The following P2RY12 variants were observed in gnomAD, a reference collection of about 807,000 sequenced individuals.
P2RY12 encodes the protein purinergic receptor P2Y12, also known as P2Y purinoceptor 12.
Under a neutral mutation model 4.5 loss-of-function variants are expected in P2RY12, and 3 were observed. The observed-to-expected ratio is 0.67, with a 90% CI of 0.31 to 1.74. The LOEUF (loss-of-function observed/expected upper bound fraction) is 1.74. P2RY12 is among the 40% of genes most tolerant of loss of function. The pLI, the probability that P2RY12 is intolerant of heterozygous loss-of-function variation, is 0.09. For missense variants in P2RY12, 356 were observed against 407.8 expected, an observed-to-expected ratio of 0.87 and a Z score of 1.09; for synonymous variants, 148 against 154.1, an observed-to-expected ratio of 0.96 and a Z score of 0.29.
chr3:151,381,614 A>T (rs1712360663), intron 1 of P2RY12, among the ~76,000 whole-genome samples: 1 of 152,194 alleles, frequency 6.6e-6, no homozygotes. Context: ...TTCTCTGTTA[A>T]GATGTTACCT....
chr3:151,366,509 A>G (rs1424500631), intron 1 of P2RY12, among the ~76,000 whole-genome samples: 1 of 152,164 alleles, frequency 6.6e-6, no homozygotes, highest in Non-Finnish European at 1.5e-5. Flanking sequence ...ATGAAAAGAT[A>G]CCCCTTGTAT....
At chr3:151,354,387 A>G (rs1753666104) in intron 1 of P2RY12, among the ~76,000 whole-genome samples, 2 of 152,146 alleles carry the variant, frequency 1.3e-5, no homozygotes, top group South Asian at 4.1e-4. Flanking sequence ...CTAATTTGAT[A>G]AACATGTCAC....
At chr3:151,342,280 C>T (rs16863323) in intron 1 of P2RY12, among the ~76,000 whole-genome samples, 47,035 of 152,136 alleles carry the variant, frequency 0.31, 7,553 homozygotes, top group East Asian at 0.49. Context: ...TGCAGAAACA[C>T]ACCTCCCTGG....
chr3:151,342,380 G>C (rs1327254984), intron 1 of P2RY12, among the ~76,000 whole-genome samples: 1 of 152,142 alleles, frequency 6.6e-6, no homozygotes, highest in Non-Finnish European at 1.5e-5. Context: ...TTTCTTCTGC[G>C]TTTTGAGTAT....
Position 151,384,192 on chromosome 3 carries a change from T to C in P2RY12, c.-180+500A>G, listed in dbSNP as rs1237286376. ...GGGATCTGAAGAGAACAAGCGTGCA[T>C]ACATGAATTTAGTAAAGAAACTGAA... On this transcript the variant is annotated intron_variant, in intron 1 of 2. Transcript: ENST00000302632. 2 of 1,607,974 alleles carry C rather than the reference T, an allele frequency of 1.2e-6. No individual in the cohort carries two copies. The highest frequency in any genetic ancestry group is 8.5e-7 in the Non-Finnish European group (1 of 1,178,386).
chr3:151,383,053 T>C (rs191860300), intron 1 of P2RY12, among the ~76,000 whole-genome samples: 1 of 152,340 alleles, frequency 6.6e-6, no homozygotes, highest in East Asian at 1.9e-4. Flanking sequence ...CTGTTATAAG[T>C]GTTAGCTTCT....
At chr3:151,356,793 A>C (rs1476017004) in intron 1 of P2RY12, among the ~76,000 whole-genome samples, 1 of 152,150 alleles carries the variant, frequency 6.6e-6, no homozygotes, top group East Asian at 1.9e-4. Flanking sequence ...ATTTGAGTTC[A>C]TTATTTCCTT....
chr3:151,368,799 T>A (rs1755811477), intron 1 of P2RY12, among the ~76,000 whole-genome samples: 1 of 150,170 alleles, frequency 6.7e-6, no homozygotes, highest in African/African-American at 2.5e-5. Flanking sequence ...TCTTACTGTG[T>A]CACCCAGGCT....
chr3:151,345,504 C>CT (rs11391975), intron 1 of P2RY12, among the ~76,000 whole-genome samples: 64,458 of 143,692 alleles, frequency 0.45, 14,719 homozygotes, highest in Middle Eastern at 0.63. Context: ...CGTTTTCTTT[C>CT]TTTTTTCTTT....
chr3:151,381,019 C>T (rs1382188459), intron 1 of P2RY12, among the ~76,000 whole-genome samples: 1 of 152,186 alleles, frequency 6.6e-6, no homozygotes, highest in Non-Finnish European at 1.5e-5. Flanking sequence ...TTGGACATTG[C>T]CTTTTCACCA....
chr3:151,381,623 C>T (rs1712363062), intron 1 of P2RY12, among the ~76,000 whole-genome samples: 1 of 152,196 alleles, frequency 6.6e-6, no homozygotes, highest in South Asian at 2.1e-4. Context: ...AAGATGTTAC[C>T]TCCTTCGGGA....
intron 1 of P2RY12, among the ~76,000 whole-genome samples, chr3:151,342,665 C>T (rs1428771726): frequency 1.3e-5 from 2 of 152,102 alleles, no homozygotes; most frequent in Non-Finnish European, 2.9e-5. Context: ...TCACTTCAGA[C>T]ACATAATAAT....
chr3:151,368,310 T>C, intron 1 of P2RY12: 2 of 1,445,434 alleles, frequency 1.4e-6, no homozygotes, highest in Admixed American at 3.4e-5. Context: ...GTTTCTAAAA[T>C]GACCAAATAG....
intron 1 of P2RY12, among the ~76,000 whole-genome samples, chr3:151,349,053 A>C (rs1234275369): frequency 6.6e-6 from 1 of 152,236 alleles, no homozygotes; most frequent in Non-Finnish European, 1.5e-5. Flanking sequence ...TAAGAAAAGG[A>C]GGTTTACCAA....
At chr3:151,356,693 A>C (rs1026194558) in intron 1 of P2RY12, among the ~76,000 whole-genome samples, 1 of 151,930 alleles carries the variant, frequency 6.6e-6, no homozygotes, top group African/African-American at 2.4e-5. Flanking sequence ...ATGAAAGTTT[A>C]TTTGCTCTTT....
chr3:151,359,846 T>C (rs1384550676), intron 1 of P2RY12, among the ~76,000 whole-genome samples: 1 of 152,160 alleles, frequency 6.6e-6, no homozygotes, highest in Non-Finnish European at 1.5e-5. Flanking sequence ...TATGGACTTC[T>C]GTGTTGTATG....
intron 1 of P2RY12, among the ~76,000 whole-genome samples, chr3:151,355,593 G>C (rs7648875): frequency 0.27 from 41,211 of 152,030 alleles, 5,874 homozygotes; most frequent in Non-Finnish European, 0.31. Context: ...CATCTGTTTT[G>C]CTTTACAAAT....
rs1343855164 is a variant in P2RY12 at position 151,338,269 on chromosome 3, T to C, written c.577A>G (p.Ile193Val). The change falls in exon 3 of 3, where the codon ATC becomes GTC. Residue 193 changes from isoleucine (I) to valine (V), a missense_variant. By Grantham distance (29) the Ile-to-Val change is conservative (BLOSUM62 3). Coordinates refer to ENST00000302632, the MANE Select transcript of P2RY12 (RefSeq NM_022788.5). Reference sequence around the variant, plus strand: ...TTAATCCAGAAAATGACTTGACAGATGTAATTTACTATTTCATGCCAGACT... The same window carrying C: ...TTAATCCAGAAAATGACTTGACAGACGTAATTTACTATTTCATGCCAGACT... ...GLVWHEIVNY[I>V]CQVIFWINFL... is the part of the protein sequence containing the mutation. The C allele has an allele frequency of 1.9e-6, 3 of 1,613,972 alleles. No homozygotes were observed. The highest frequency in any genetic ancestry group is 2.5e-6 in the Non-Finnish European group (3 of 1,179,860).
chr3:151,338,913 T>G lies in P2RY12; in HGVS notation c.-14-54A>C, dbSNP rs138811723. 145 of 1,513,408 alleles carry G rather than the reference T, an allele frequency of 9.6e-5. No homozygotes were observed. The African/African-American group carries it at 1.8e-3, about 19-fold the overall frequency. 93.7% of individuals were successfully genotyped at this position (1,513,408 alleles called of 1,614,324 possible). Reference sequence around the variant, plus strand: ...TTCAGCCTAAGGTAGTTATTATTGCTGTTATCTCTGTGTGTAACTTTTTTG... The same window carrying G: ...TTCAGCCTAAGGTAGTTATTATTGCGGTTATCTCTGTGTGTAACTTTTTTG... On this transcript the variant is annotated intron_variant, in intron 2 of 2. Coordinates refer to ENST00000302632, the MANE Select transcript of P2RY12 (RefSeq NM_022788.5).
Sources: gnomAD v4.1 joint callset for allele counts (sites outside exome capture counted in the v4.1 genomes callset) on GRCh38, gnomAD v4.1.1 for gene constraint, MANE v1.5 for transcripts, NCBI Gene and HGNC (gene_info 2026-07-23, HGNC 2026-07-21) for gene names.